The following LARGE1 variants were observed in gnomAD, a reference collection of about 807,000 sequenced individuals.
LARGE1 encodes LARGE xylosyl- and glucuronyltransferase 1.
In LARGE1, 43 loss-of-function variants were observed where a neutral mutation model predicts 87.6. The observed-to-expected ratio is 0.49, with a 90% CI of 0.38 to 0.63. The LOEUF is 0.63. LARGE1 is among the 30% of genes least tolerant of loss of function. The pLI, the probability that LARGE1 is intolerant of heterozygous loss-of-function variation, is 0.00. For synonymous variants in LARGE1, 434 were observed against 394.6 expected, an observed-to-expected ratio of 1.10 and a Z score of -1.18; for missense variants, 802 against 1,000.2, an observed-to-expected ratio of 0.80 and a Z score of 2.67.
chr22:33,355,348 T>C (rs1940790120), intron 9 of LARGE1, among the ~76,000 whole-genome samples: 1 of 152,236 alleles, frequency 6.6e-6, no homozygotes, highest in African/African-American at 2.4e-5. Context: ...GGAATTATGA[T>C]GAACTTGTCT....
intron 11 of LARGE1, among the ~76,000 whole-genome samples, chr22:33,260,100 A>G (rs935365712): frequency 1.3e-5 from 2 of 152,116 alleles, no homozygotes; most frequent in African/African-American, 2.4e-5. Context: ...GAAATTATTC[A>G]CACTAGCCAA....
At chr22:33,774,183 C>A (rs913124638) in intron 1 of LARGE1, among the ~76,000 whole-genome samples, 1 of 152,032 alleles carries the variant, frequency 6.6e-6, no homozygotes, top group Non-Finnish European at 1.5e-5. Context: ...AGAGACTACC[C>A]CTATGAAACA....
At chr22:33,178,828 G>C (rs1923014264) in intron 11 of LARGE1, among the ~76,000 whole-genome samples, 1 of 152,156 alleles carries the variant, frequency 6.6e-6, no homozygotes, top group Non-Finnish European at 1.5e-5. Context: ...CATGTTTCCA[G>C]AATTATGATA....
chr22:33,579,787 C>G (rs2078460636), intron 5 of LARGE1, among the ~76,000 whole-genome samples: 2 of 152,136 alleles, frequency 1.3e-5, no homozygotes, highest in Admixed American at 1.3e-4. Context: ...CCAAGTGATT[C>G]TTAGGTGCAA....
intron 2 of LARGE1, among the ~76,000 whole-genome samples, chr22:33,717,595 G>A (rs2082950835): frequency 6.6e-6 from 1 of 152,146 alleles, no homozygotes; most frequent in South Asian, 2.1e-4. Context: ...AATCCCCACA[G>A]TGGAATCGAG....
chr22:33,912,776 GA>G (rs5845123), intron 1 of LARGE1, among the ~76,000 whole-genome samples: 43 of 137,938 alleles, frequency 3.1e-4, no homozygotes, highest in South Asian at 6.9e-4. Context: ...GAACAACAAT[GA>G]AAAAAAAAAA....
chr22:33,692,443 T>C lies in LARGE1; in HGVS notation c.107-41775A>G, dbSNP rs375070241. ...CTCCTGCCTCAGTCTCCTGAGTAGATGGGAGTACAGGCACCCGTCATCACA... is the reference window on the plus strand; with the variant it reads ...CTCCTGCCTCAGTCTCCTGAGTAGACGGGAGTACAGGCACCCGTCATCACA... On this transcript the variant is annotated intron_variant, in intron 2 of 14. Coordinates refer to ENST00000397394, the MANE Select transcript of LARGE1 (RefSeq NM_133642.5). Among the ~76,000 whole-genome samples, 16 of 152,344 alleles carry C rather than the reference T, an allele frequency of 1.1e-4. No homozygotes were observed. The East Asian group carries it at 3.1e-3, about 29-fold the overall frequency.
chr22:33,865,832 CTTTTTTTTTTTTTTTTT>C (rs3072359), intron 1 of LARGE1, among the ~76,000 whole-genome samples: 40 of 28,394 alleles, frequency 1.4e-3, no homozygotes, highest in East Asian at 3.5e-3. Context: ...AGCTGTTATT[CTTTTTTTTTTTTTTTTT>C]TTTTTTTTTT....
intron 6 of LARGE1, among the ~76,000 whole-genome samples, chr22:33,456,918 T>C (rs940732126): frequency 6.6e-6 from 1 of 152,182 alleles, no homozygotes. Flanking sequence ...CTGCAACTTA[T>C]AAAACTTGGG....
At chr22:33,826,123 C>G (rs749864493) in intron 1 of LARGE1, among the ~76,000 whole-genome samples, 1 of 152,030 alleles carries the variant, frequency 6.6e-6, no homozygotes, top group South Asian at 2.1e-4. Context: ...CTTAAAACAA[C>G]AGAAACATAA....
At chr22:33,656,597 A>T (rs750869484) in intron 2 of LARGE1, among the ~76,000 whole-genome samples, 2 of 152,124 alleles carry the variant, frequency 1.3e-5, no homozygotes, top group Non-Finnish European at 2.9e-5. Flanking sequence ...CCTGCGTGTA[A>T]GTGCCTTTAC....
the LARGE1 span, among the ~76,000 whole-genome samples, chr22:33,073,830 C>T: frequency 6.6e-6 from 1 of 152,118 alleles, no homozygotes; most frequent in Admixed American, 6.6e-5. Context: ...ATAAACCTTA[C>T]CTCCTTCACA....
chr22:33,113,205 CT>C, the LARGE1 span, among the ~76,000 whole-genome samples: 14,537 of 127,254 alleles, frequency 0.11, 862 homozygotes, highest in African/African-American at 0.25. Flanking sequence ...ACTTAATTAT[CT>C]TTTTTTTTTT....
At chr22:33,855,376 G>A (rs1362497251) in intron 1 of LARGE1, among the ~76,000 whole-genome samples, 2 of 152,076 alleles carry the variant, frequency 1.3e-5, no homozygotes, top group African/African-American at 2.4e-5. Context: ...CTTGAAGAAC[G>A]GGTGGAAGGT....
downstream of LARGE1, among the ~76,000 whole-genome samples, chr22:33,159,777 C>T (rs544000705): frequency 7.9e-5 from 12 of 151,334 alleles, no homozygotes; most frequent in Non-Finnish European, 1.5e-4. Flanking sequence ...TTAGTAGAGA[C>T]GGGGTTTCAC....
intron 6 of LARGE1, among the ~76,000 whole-genome samples, chr22:33,515,155 A>G (rs1316366598): frequency 1.3e-5 from 2 of 152,106 alleles, no homozygotes; most frequent in Non-Finnish European, 2.9e-5. Context: ...AACAACAAAA[A>G]AGAATGAATG....
chr22:33,131,239 G>A, the LARGE1 span, among the ~76,000 whole-genome samples: 15 of 151,924 alleles, frequency 9.9e-5, no homozygotes, highest in African/African-American at 2.7e-4. Flanking sequence ...GTAAGGAACC[G>A]TGTAAAACCT....
At chr22:33,552,008 A>AAAC (rs1433458486) in intron 6 of LARGE1, among the ~76,000 whole-genome samples, 1 of 151,600 alleles carries the variant, frequency 6.6e-6, no homozygotes, top group Non-Finnish European at 1.5e-5. Context: ...AAAAAAAAAA[A>AAAC]AAAAAAAGTG....
At chr22:33,284,803 T>C (rs1344958952) in intron 12 of LARGE1, among the ~76,000 whole-genome samples, 5 of 152,126 alleles carry the variant, frequency 3.3e-5, no homozygotes, top group Non-Finnish European at 7.4e-5. Context: ...TCTTGATCTC[T>C]TGACCTTGTG....
Sources: allele counts gnomAD v4.1 joint callset (sites outside exome capture counted in the v4.1 genomes callset), GRCh38; gene constraint gnomAD v4.1.1; transcripts MANE v1.5; gene names NCBI Gene and HGNC (gene_info 2026-07-23, HGNC 2026-07-21).